PTPRS: variants seen among roughly 807,000 people sequenced by gnomAD.
PTPRS encodes the protein receptor-type tyrosine-protein phosphatase S.
A neutral mutation model predicts 215.3 loss-of-function variants in PTPRS; 63 were observed. That is an observed-to-expected ratio of 0.29 (90% CI 0.24 to 0.36). PTPRS has a LOEUF of 0.36. Among genes scored for constraint, PTPRS ranks in the 10% least tolerant of loss-of-function variants. The pLI, the probability that PTPRS is intolerant of heterozygous loss-of-function variation, is 1.00. For synonymous variants in PTPRS, 1,404 were observed against 1,191.4 expected (o/e 1.18, Z -3.68); for missense variants, 2,258 against 2,825.8 (o/e 0.80, Z 4.56).
intron 11 of PTPRS, among the ~76,000 whole-genome samples, chr19:5,243,125 CTTTT>C (rs746936561): frequency 4.3e-5 from 6 of 138,074 alleles, no homozygotes; most frequent in South Asian, 2.3e-4. Context: ...GGCTAGCTCT[CTTTT>C]TTTTTTTTTT....
In PTPRS at chr19:5,294,439, C is replaced by G. The variant is rs2049064196; in HGVS notation, c.-94-8205G>C. On this transcript the variant is annotated intron_variant, in intron 1 of 37. Transcript: ENST00000262963. This position sits in a 1 kb window ranked among gnomAD's most constrained non-coding sequence, Gnocchi z 5.1. ...GGATATATCATGAATAATTTCAAGC[C>G]CCTTGGGTTTATCTAGGTACAGGGC... 6.6e-6 allele frequency: 1 copy of G among 152,274 alleles called. No homozygotes were observed. Among genetic ancestry groups the G allele is most frequent in the Admixed American group, 6.5e-5 (1 of 15,282 alleles). 9.4% of individuals were successfully genotyped at this position (152,274 alleles called of 1,614,324 possible).
chr19:5,303,280 T>C (rs143039223), intron 1 of PTPRS, among the ~76,000 whole-genome samples: 21 of 152,046 alleles, frequency 1.4e-4, no homozygotes, highest in African/African-American at 5.1e-4. Context: ...TCTGTAAAGA[T>C]CAAGGAAACC....
intron 1 of PTPRS, among the ~76,000 whole-genome samples, chr19:5,335,308 C>T (rs1045313443): frequency 2.0e-5 from 3 of 152,194 alleles, no homozygotes; most frequent in East Asian, 1.9e-4. Context: ...CTCGCCGCGA[C>T]GCAGACTGCG....
At chr19:5,315,385 A>G (rs2049844235) in intron 1 of PTPRS, among the ~76,000 whole-genome samples, 1 of 53,092 alleles carries the variant, frequency 1.9e-5, no homozygotes, top group African/African-American at 6.1e-5. Flanking sequence ...TTTTTTTGAG[A>G]CAGAGTCTCA....
chr19:5,213,402 A>G (rs1481582320), intron 30 of PTPRS, among the ~76,000 whole-genome samples: 1 of 152,120 alleles, frequency 6.6e-6, no homozygotes, highest in East Asian at 1.9e-4. Context: ...CCCAGGCTGC[A>G]CCCTCTTACC....
chr19:5,229,193 A>G (rs1048376870), intron 16 of PTPRS, 123 bp downstream of exon 16: 2 of 1,108,798 alleles, frequency 1.8e-6, no homozygotes, highest in Non-Finnish European at 1.2e-6. Context: ...CGAGGGGCGC[A>G]TGGGAGGGCC....
rs1174637461 is a variant in PTPRS at position 5,331,283 on chromosome 19, C to T, written c.-95+9381G>A. Among the ~76,000 whole-genome samples the T allele has an allele frequency of 9.8e-4, 148 of 150,790 alleles. 2 individuals carry two copies. The highest frequency in any genetic ancestry group is 1.2e-4 in the Non-Finnish European group (8 of 67,796). On this transcript the variant is annotated intron_variant, in intron 1 of 37. Transcript: ENST00000262963. ...GTAGCTGGGACCGTACGTGTGCACC[C>T]CAACCCTCGGCTGATTTTTTTTTGT...
rs10425305 is a variant in PTPRS at position 5,272,459 on chromosome 19, G to T, written c.379+983C>A. On this transcript the variant is annotated intron_variant, in intron 4 of 37. Coordinates refer to ENST00000262963, the MANE Select transcript of PTPRS (RefSeq NM_002850.4). The stretch of plus-strand genomic sequence containing the variant: ...CTAAAAATACAAAAATTAGCTGGGC[G>T]TGGTGGCATGTGCCTGTAATCCCAG... Among the ~76,000 whole-genome samples, 20 of 151,750 alleles carry T rather than the reference G, an allele frequency of 1.3e-4. No homozygotes were observed. In the East Asian group the frequency reaches 3.7e-3, roughly 28 times the overall value.
intron 4 of PTPRS, among the ~76,000 whole-genome samples, chr19:5,266,113 G>C (rs2046378915): frequency 6.6e-6 from 1 of 151,882 alleles, no homozygotes; most frequent in Non-Finnish European, 1.5e-5. Flanking sequence ...ACAAAAACTA[G>C]CCGGGCATGA....
intron 23 of PTPRS, 56 bp downstream of exon 23, chr19:5,219,254 T>C: frequency 6.3e-7 from 1 of 1,597,558 alleles, no homozygotes; most frequent in Non-Finnish European, 8.6e-7. Context: ...TCCTCCCTCC[T>C]TTTCCAGGAA....
In PTPRS at chr19:5,257,897, G is replaced by T; in HGVS notation, c.706+120C>A. On this transcript the variant is annotated intron_variant, in intron 8 of 37. Coordinates refer to ENST00000262963, the MANE Select transcript of PTPRS (RefSeq NM_002850.4). This position sits in a 1 kb window ranked among gnomAD's most constrained non-coding sequence, Gnocchi z 4.4. ...CGGCCAAGGTCCCACCGCGACCGGGGAGGGGCCTTCCTGCTTGGGTGTGCA... is the reference window on the plus strand; with the variant it reads ...CGGCCAAGGTCCCACCGCGACCGGGTAGGGGCCTTCCTGCTTGGGTGTGCA... 1.2e-6 allele frequency: 1 copy of T among 810,048 alleles called. No individual in the cohort carries two copies. Among genetic ancestry groups the T allele is most frequent in the Non-Finnish European group, 2.0e-6 (1 of 506,928 alleles). The allele number at this position is 810,048 out of a possible 1,614,324, so 50.2% of individuals were successfully genotyped here.
chr19:5,246,507 C>T (rs912572089), intron 9 of PTPRS, among the ~76,000 whole-genome samples: 2 of 152,216 alleles, frequency 1.3e-5, no homozygotes, highest in Admixed American at 6.5e-5. Flanking sequence ...AGGTGGCCTC[C>T]GATCACTCCC....
At chr19:5,220,480 C>T (rs1295986301) in intron 20 of PTPRS, 127 bp from the exon 21 acceptor site, 2 of 789,408 alleles carry the variant, frequency 2.5e-6, no homozygotes, top group East Asian at 5.4e-5. Flanking sequence ...AGCCTATTCC[C>T]CTATGCCCCA....
intron 2 of PTPRS, among the ~76,000 whole-genome samples, chr19:5,281,212 G>A (rs887355580): frequency 1.3e-5 from 2 of 151,962 alleles, no homozygotes; most frequent in Non-Finnish European, 2.9e-5. Flanking sequence ...TGTAATCCCA[G>A]CACTTTGGGA....
chr19:5,306,443 C>G (rs534714026), intron 1 of PTPRS, among the ~76,000 whole-genome samples: 1 of 152,098 alleles, frequency 6.6e-6, no homozygotes, highest in South Asian at 2.1e-4. Context: ...CCACACCTGG[C>G]CCAGGGTGAT....
At chr19:5,209,824 G>A (rs924669115) in intron 35 of PTPRS, among the ~76,000 whole-genome samples, 6 of 152,090 alleles carry the variant, frequency 3.9e-5, no homozygotes, top group South Asian at 4.1e-4. Flanking sequence ...CACAATGCCC[G>A]GTGATTGCTG....
chr19:5,327,115 G>A (rs561704344), intron 1 of PTPRS, among the ~76,000 whole-genome samples: 40 of 152,282 alleles, frequency 2.6e-4, no homozygotes, highest in African/African-American at 7.9e-4. Context: ...CCTGCCCTGC[G>A]ACTCGGTCTG....
At chr19:5,333,072 C>T (rs1245739551) in intron 1 of PTPRS, among the ~76,000 whole-genome samples, 1 of 152,032 alleles carries the variant, frequency 6.6e-6, no homozygotes. Context: ...CCACTTGAAC[C>T]CGGGAGGCGG....
At chr19:5,333,503 TCACACA>T (rs35443727) in intron 1 of PTPRS, among the ~76,000 whole-genome samples, 4 of 147,726 alleles carry the variant, frequency 2.7e-5, no homozygotes, top group African/African-American at 5.0e-5. Flanking sequence ...GTGAGTCCTG[TCACACA>T]CACACACACA....
Sources: allele counts gnomAD v4.1 joint callset (sites outside exome capture counted in the v4.1 genomes callset), GRCh38; gene constraint gnomAD v4.1.1; non-coding constraint Gnocchi (gnomAD v3.1); transcripts MANE v1.5; gene names NCBI Gene and HGNC (gene_info 2026-07-23, HGNC 2026-07-21).